ZNF250: variants seen among roughly 807,000 people sequenced by gnomAD.
ZNF250 encodes the protein zinc finger protein 250, also known as zinc finger protein (clone 647).
ZNF250 carries 13 observed loss-of-function variants against 37.1 expected under a neutral mutation model. The observed-to-expected ratio is 0.35, with a 90% CI of 0.23 to 0.56. The LOEUF (loss-of-function observed/expected upper bound fraction) is 0.56. Ranked by LOEUF, ZNF250 falls within the 20% of genes least tolerant of loss-of-function variation. ZNF250 has a pLI of 0.87. For missense variants in ZNF250, 474 were observed against 697.9 expected (o/e 0.68, Z 3.61); for synonymous variants, 251 against 265.6 (o/e 0.94, Z 0.54).
rs1200506260 is a variant in ZNF250, at chr8:144,880,225, A to G, written c.*1290T>C. On this transcript the variant is annotated 3_prime_UTR_variant, in exon 6 of 6. Coordinates refer to ENST00000417550, the MANE Select transcript of ZNF250 (RefSeq NM_001109689.4). ...AAAATGAAAAAAAAAACCCCTTCAA[A>G]TATAGGAATAGAAATACTAGAGATA... 2 of 241,482 alleles carry G rather than the reference A, an allele frequency of 8.3e-6. No homozygotes were observed. The highest frequency in any genetic ancestry group is 1.8e-4 in the East Asian group (2 of 11,122). The allele number at this position is 241,482 out of a possible 1,614,324, so 15.0% of individuals were successfully genotyped here.
Position 144,890,288 on chromosome 8 carries a change from A to G in ZNF250, c.42+20T>C. 6.5e-7 allele frequency: 1 copy of G among 1,548,156 alleles called. No homozygotes were observed. The highest frequency in any genetic ancestry group is 1.9e-5 in the Admixed American group (1 of 53,678). ...AGGGCTCGGGCTGGGGGCACTGCAT[A>G]AGCACTGGGGACAGCTTACCTGGGG... is the stretch of plus-strand genomic sequence containing the variant. On this transcript the variant is annotated intron_variant, in intron 2 of 5. Transcript: ENST00000417550. This position sits in a 1 kb window ranked among gnomAD's most constrained non-coding sequence, Gnocchi z 5.1.
At position 144,878,946 on chromosome 8, in the gene ZNF250, C is replaced by G. The variant is rs1427764596; in HGVS notation, c.*2569G>C. On this transcript the variant is annotated 3_prime_UTR_variant, in exon 6 of 6. Coordinates refer to ENST00000417550, the MANE Select transcript of ZNF250 (RefSeq NM_001109689.4). ...AACACCCAGTGATCTCACCTCCTCT[C>G]TGATGAAACACCTCAGTGTACTCAG... 1 of 152,236 alleles carries G rather than the reference C, an allele frequency of 6.6e-6. No homozygotes were observed. The highest frequency in any genetic ancestry group is 2.4e-5 in the African/African-American group (1 of 41,462). The allele number at this position is 152,236 out of a possible 1,614,324, so 9.4% of individuals were successfully genotyped here.
rs1358666869 is a variant in ZNF250, at chr8:144,877,720, A to T, written c.*3795T>A. 2 of 152,254 alleles carry T rather than the reference A, an allele frequency of 1.3e-5. No individual in the cohort carries two copies. Among genetic ancestry groups the T allele is most frequent in the Non-Finnish European group, 2.9e-5 (2 of 68,052 alleles). The allele number at this position is 152,254 out of a possible 1,614,324, so 9.4% of individuals were successfully genotyped here. On this transcript the variant is annotated 3_prime_UTR_variant, in exon 6 of 6. Transcript: ENST00000417550. ...ACCAGTGGATCAATGGCAGCCTGACATAGCAAGAACAGGCAGAATGATATT... is the reference window on the plus strand; with the variant it reads ...ACCAGTGGATCAATGGCAGCCTGACTTAGCAAGAACAGGCAGAATGATATT...
chr8:144,892,746 C>A (rs1473113320), intron 1 of ZNF250, among the ~76,000 whole-genome samples: 1 of 151,478 alleles, frequency 6.6e-6, no homozygotes, highest in Non-Finnish European at 1.5e-5. Context: ...TTAGTAGGGA[C>A]AGGGTTTCTC....
chr8:144,884,078 C>T (rs981261137), intron 5 of ZNF250, among the ~76,000 whole-genome samples: 2 of 152,040 alleles, frequency 1.3e-5, no homozygotes, highest in African/African-American at 4.8e-5. Context: ...CTTAGTTATG[C>T]GTGTTTCTGA....
intron 1 of ZNF250, among the ~76,000 whole-genome samples, chr8:144,895,806 G>A (rs988953727): frequency 6.6e-6 from 1 of 150,842 alleles, no homozygotes. Context: ...TCAGGAGTTC[G>A]AGACCAGCCT....
chr8:144,880,533 C>A lies in ZNF250; in HGVS notation c.*982G>T. ...AATTTTTACTAAAAAGTTAGCATAACCTTTCTGATCTTGAATAAAGTTAAA... is the reference window on the plus strand; with the variant it reads ...AATTTTTACTAAAAAGTTAGCATAAACTTTCTGATCTTGAATAAAGTTAAA... On this transcript the variant is annotated 3_prime_UTR_variant, in exon 6 of 6. Transcript: ENST00000417550. 1 of 455,680 alleles carries A rather than the reference C, an allele frequency of 2.2e-6. No individual in the cohort carries two copies. Among genetic ancestry groups the A allele is most frequent in the Non-Finnish European group, 4.4e-6 (1 of 226,280 alleles). The allele number at this position is 455,680 out of a possible 1,614,324, so 28.2% of individuals were successfully genotyped here.
intron 5 of ZNF250, among the ~76,000 whole-genome samples, chr8:144,884,018 C>G (rs1427977307): frequency 6.6e-6 from 1 of 152,174 alleles, no homozygotes; most frequent in African/African-American, 2.4e-5. Flanking sequence ...GCTGGGAGTA[C>G]AGGCATGAGC....
intron 1 of ZNF250, among the ~76,000 whole-genome samples, chr8:144,896,277 G>T (rs1315654758): frequency 6.6e-6 from 1 of 151,764 alleles, no homozygotes; most frequent in Non-Finnish European, 1.5e-5. Context: ...AGCCCAGGAG[G>T]TCAAGGCTGC....
At position 144,877,670 on chromosome 8, in the gene ZNF250, C is replaced by T. The variant is rs184997814; in HGVS notation, c.*3845G>A. ...GGCATTGAAGCCCACTTCCTGGCTC[C>T]GTGGACACCTGAGCCTGCATTCTCA... is the stretch of plus-strand genomic sequence containing the variant. On this transcript the variant is annotated 3_prime_UTR_variant, in exon 6 of 6. Transcript: ENST00000417550. The T allele has an allele frequency of 5.3e-5, 8 of 152,290 alleles. No individual in the cohort carries two copies. The South Asian group carries it at 1.0e-3, about 20-fold the overall frequency. The allele number at this position is 152,290 out of a possible 1,614,324, so 9.4% of individuals were successfully genotyped here.
Position 144,877,302 on chromosome 8 carries a change from G to C in ZNF250, c.*4213C>G, listed in dbSNP as rs1028716439. The C allele has an allele frequency of 2.2e-4, 34 of 152,008 alleles. No individual in the cohort carries two copies. Among genetic ancestry groups the C allele is most frequent in the African/African-American group, 8.2e-4 (34 of 41,356 alleles). The allele number at this position is 152,008 out of a possible 1,614,324, so 9.4% of individuals were successfully genotyped here. ...TTCGCCATGCTGGTCTCAAAGTCCTGGGCTCAAGCGATCCACCCACTTCAG... is the reference window on the plus strand; with the variant it reads ...TTCGCCATGCTGGTCTCAAAGTCCTCGGCTCAAGCGATCCACCCACTTCAG... On this transcript the variant is annotated 3_prime_UTR_variant, in exon 6 of 6. Transcript: ENST00000417550.
In ZNF250 at chr8:144,901,139, C is replaced by G. The variant is rs1833075609; in HGVS notation, c.-55+260G>C. ...GGGAAGGGACCGAGGCCGTCCGAGG[C>G]GGACGGGGGTGCGGGAGGGCCTGAG... On this transcript the variant is annotated intron_variant, in intron 1 of 5. Coordinates refer to ENST00000417550, the MANE Select transcript of ZNF250 (RefSeq NM_001109689.4). The surrounding 1 kb of genome is among the most constrained non-coding windows in gnomAD (Gnocchi z 5.4). Among the ~76,000 whole-genome samples, 1 of 138,216 alleles carries G rather than the reference C, an allele frequency of 7.2e-6. No individual in the cohort carries two copies. Among genetic ancestry groups the G allele is most frequent in the Non-Finnish European group, 1.6e-5 (1 of 64,250 alleles). 90.7% of individuals were successfully genotyped at this position (138,216 alleles called of 152,430 possible).
In ZNF250 at chr8:144,880,230, G is replaced by A; in HGVS notation, c.*1285C>T. 1 of 246,322 alleles carries A rather than the reference G, an allele frequency of 4.1e-6. No homozygotes were observed. Among genetic ancestry groups the A allele is most frequent in the Non-Finnish European group, 8.5e-6 (1 of 117,300 alleles). 15.3% of individuals were successfully genotyped at this position (246,322 alleles called of 1,614,324 possible). ...GAAAAAAAAAACCCCTTCAAATATA[G>A]GAATAGAAATACTAGAGATAGTAAA... On this transcript the variant is annotated 3_prime_UTR_variant, in exon 6 of 6. Coordinates refer to ENST00000417550, the MANE Select transcript of ZNF250 (RefSeq NM_001109689.4).
chr8:144,898,944 A>G (rs1001585725), intron 1 of ZNF250, among the ~76,000 whole-genome samples: 1 of 152,256 alleles, frequency 6.6e-6, no homozygotes, highest in African/African-American at 2.4e-5. Flanking sequence ...TGTTGACTGC[A>G]GCACTATTCA....
intron 1 of ZNF250, among the ~76,000 whole-genome samples, chr8:144,900,741 G>A (rs1208231886): frequency 6.6e-6 from 1 of 152,202 alleles, no homozygotes; most frequent in Admixed American, 6.5e-5. Context: ...TGAAACGAAA[G>A]CAGCTCGTTT....
chr8:144,901,879 G>A (rs1164396301), upstream of ZNF250: 7 of 152,370 alleles, frequency 4.6e-5, no homozygotes, highest in Admixed American at 1.3e-4. This position sits in a 1 kb window ranked among gnomAD's most constrained non-coding sequence, Gnocchi z 5.4. Context: ...TCCCCCCTCC[G>A]AGCCTTTTGC....
rs188243849 is a variant in ZNF250, at chr8:144,881,365, G to A, written c.*150C>T. 1.1e-5 allele frequency: 13 copies of A among 1,220,624 alleles called. No individual in the cohort carries two copies. The highest frequency in any genetic ancestry group is 9.1e-5 in the African/African-American group (6 of 65,628). The allele number at this position is 1,220,624 out of a possible 1,614,324, so 75.6% of individuals were successfully genotyped here. A position where few individuals can be genotyped will look rare whatever the true frequency, so the allele number is the denominator to read the frequency against. On this transcript the variant is annotated 3_prime_UTR_variant, in exon 6 of 6. Transcript: ENST00000417550. ...TGAAGTTTTTCCACAGGAACAGCAC[G>A]CTAAGTGCTTCTTTCTGGAGTTATT...
intron 5 of ZNF250, among the ~76,000 whole-genome samples, chr8:144,885,419 C>T (rs904018021): frequency 1.3e-5 from 2 of 152,114 alleles, no homozygotes; most frequent in South Asian, 2.1e-4. Context: ...CCACCCCCGG[C>T]CCAGTTTAAT....
At chr8:144,895,344 C>G (rs1026640859) in intron 1 of ZNF250, 2 of 152,142 alleles carry the variant, frequency 1.3e-5, no homozygotes, top group Admixed American at 6.6e-5. Context: ...TGACCCCGAG[C>G]CCATGAAGGG....
Sources: allele counts gnomAD v4.1 joint callset (sites outside exome capture counted in the v4.1 genomes callset), GRCh38; gene constraint gnomAD v4.1.1; non-coding constraint Gnocchi (gnomAD v3.1); transcripts MANE v1.5; gene names NCBI Gene and HGNC (gene_info 2026-07-23, HGNC 2026-07-21).